Variants in LRP8 observed in about 807,000 individuals in gnomAD.
LRP8 encodes the protein LDL receptor related protein 8.
Under a neutral mutation model 111.6 loss-of-function variants are expected in LRP8, and 46 were observed. The ratio of observed to expected loss-of-function variants is 0.41; its 90% CI spans 0.33 to 0.53. The LOEUF (loss-of-function observed/expected upper bound fraction) is 0.53. Ranked by LOEUF, LRP8 falls within the 20% of genes least tolerant of loss-of-function variation. The pLI, the probability that LRP8 is intolerant of heterozygous loss-of-function variation, is 0.20. For missense variants in LRP8, 959 were observed against 1,297.4 expected (o/e 0.74, Z 4.01); for synonymous variants, 464 against 511.2 (o/e 0.91, Z 1.24).
intron 2 of LRP8, among the ~76,000 whole-genome samples, chr1:53,318,036 A>C (rs1654032677): frequency 6.6e-6 from 1 of 152,238 alleles, no homozygotes; most frequent in Admixed American, 6.5e-5. Flanking sequence ...CTCCAGGCAC[A>C]GGAGTCTGCT....
Position 53,244,561 on chromosome 1 carries a change from C to T in LRP8, c.*2457G>A, listed in dbSNP as rs1024820208. ...ATTTGTTTCTTGTAAAGGGTTGCTC[C>T]CATTGCTGCCTCTTTCAAACTGCAG... On this transcript the variant is annotated 3_prime_UTR_variant, in exon 19 of 19. Transcript: ENST00000306052. 2.0e-5 allele frequency: 3 copies of T among 152,184 alleles called. No individual in the cohort carries two copies. The highest frequency in any genetic ancestry group is 4.4e-5 in the Non-Finnish European group (3 of 68,028). The allele number at this position is 152,184 out of a possible 1,614,324, so 9.4% of individuals were successfully genotyped here. A position where few individuals can be genotyped will look rare whatever the true frequency, so the allele number is the denominator to read the frequency against.
intron 16 of LRP8, among the ~76,000 whole-genome samples, chr1:53,251,196 C>CT (rs1416198063): frequency 2.2e-4 from 34 of 151,970 alleles, no homozygotes; most frequent in Admixed American, 1.7e-3. Flanking sequence ...GGGACTGTGT[C>CT]TTTTTTTTGT....
At chr1:53,307,550 C>T (rs930034426) in intron 2 of LRP8, 2 of 152,308 alleles carry the variant, frequency 1.3e-5, no homozygotes, top group African/African-American at 4.8e-5. Flanking sequence ...AAGGCACACA[C>T]CACCCACTTG....
Position 53,324,344 on chromosome 1 carries a change from C to T in LRP8, c.244+2529G>A, listed in dbSNP as rs150798836. The stretch of plus-strand genomic sequence containing the variant: ...CCAGCACCTGGCCCCAACACAGCCA[C>T]GTAAGCCCCACTCCGTTTCTTCAGT... On this transcript the variant is annotated intron_variant, in intron 2 of 18. Transcript: ENST00000306052. Among the ~76,000 whole-genome samples, 614 of 152,294 alleles carry T rather than the reference C, an allele frequency of 4.0e-3. 2 individuals are homozygous for T. The highest frequency in any genetic ancestry group is 0.013 in the African/African-American group (549 of 41,556).
Position 53,277,023 on chromosome 1 carries a change from G to C in LRP8, c.552C>G (p.Phe184Leu), listed in dbSNP as rs1646944960. The C allele has an allele frequency of 2.0e-6, 3 of 1,521,020 alleles. No homozygotes were observed. The highest frequency in any genetic ancestry group is 2.5e-5 in the East Asian group (1 of 39,238). The allele number at this position is 1,521,020 out of a possible 1,614,324, so 94.2% of individuals were successfully genotyped here. A position where few individuals can be genotyped will look rare whatever the true frequency, so the allele number is the denominator to read the frequency against. ...CGNRSCLAAV[F>L]VCDGDDDCGD... ...CACAGTCGTCGTCGCCGTCGCACAC[G>C]AACACGGCGGCCAGGCACGAGCGGT... The change falls in exon 5 of 19, where the codon TTC becomes TTG. Residue 184 changes from phenylalanine (F) to leucine (L), a missense_variant. Phe to Leu is a conservative substitution (Grantham distance 22, BLOSUM62 0). Transcript: ENST00000306052.
At chr1:53,296,604 C>T (rs370295120) in intron 2 of LRP8, among the ~76,000 whole-genome samples, 13 of 152,360 alleles carry the variant, frequency 8.5e-5, no homozygotes, top group African/African-American at 2.4e-4. Flanking sequence ...CGTGCCAGCC[C>T]GCCCCTGGCC....
In LRP8 at chr1:53,293,064, G is replaced by T. The variant is rs1649075783; in HGVS notation, c.245-3375C>A. On this transcript the variant is annotated intron_variant, in intron 2 of 18. Transcript: ENST00000306052. The surrounding 1 kb of genome is among the most constrained non-coding windows in gnomAD (Gnocchi z 4.9). ...TGGCAAGGATGTGTGGTCAGACAGT[G>T]CCCAAAACAGCAGGGCAGGCTTGAA... Among the ~76,000 whole-genome samples, 1 of 152,228 alleles carries T rather than the reference G, an allele frequency of 6.6e-6. No homozygotes were observed. Among genetic ancestry groups the T allele is most frequent in the South Asian group, 2.1e-4 (1 of 4,832 alleles).
At chr1:53,296,530 A>G (rs112624204) in intron 2 of LRP8, among the ~76,000 whole-genome samples, 13 of 152,356 alleles carry the variant, frequency 8.5e-5, no homozygotes, top group African/African-American at 3.1e-4. Flanking sequence ...AGAGCTCGCC[A>G]TGCCCCAGCG....
intron 2 of LRP8, among the ~76,000 whole-genome samples, chr1:53,311,577 T>C (rs1653003460): frequency 6.6e-6 from 1 of 151,998 alleles, no homozygotes; most frequent in Non-Finnish European, 1.5e-5. Context: ...GGAGCGATAC[T>C]GCGTGGACCC....
intron 2 of LRP8, among the ~76,000 whole-genome samples, chr1:53,300,298 T>C (rs1172778666): frequency 2.6e-5 from 4 of 152,108 alleles, no homozygotes; most frequent in African/African-American, 9.7e-5. Context: ...GGCAAAACTC[T>C]CCCACCCCTG....
chr1:53,313,897 T>C (rs1410677536), intron 2 of LRP8, among the ~76,000 whole-genome samples: 3 of 152,020 alleles, frequency 2.0e-5, no homozygotes, highest in South Asian at 4.2e-4. Flanking sequence ...AGAGCGAAGA[T>C]GGGTTTGGAG....
intron 6 of LRP8, among the ~76,000 whole-genome samples, chr1:53,273,509 G>A (rs910957725): frequency 4.6e-5 from 7 of 152,242 alleles, no homozygotes; most frequent in African/African-American, 1.7e-4. Context: ...AAGCACGTGT[G>A]TACGTACTCC....
intron 9 of LRP8, among the ~76,000 whole-genome samples, chr1:53,265,622 T>A (rs968652645): frequency 6.6e-6 from 1 of 152,234 alleles, no homozygotes; most frequent in African/African-American, 2.4e-5. Flanking sequence ...TCTAGTTATG[T>A]TTTTGGGTGT....
At chr1:53,253,664 CT>C (rs952391337) in intron 16 of LRP8, among the ~76,000 whole-genome samples, 11 of 152,308 alleles carry the variant, frequency 7.2e-5, no homozygotes, top group Non-Finnish European at 1.5e-5. Context: ...GTAGATTTAT[CT>C]TTCTCCACTC....
intron 2 of LRP8, among the ~76,000 whole-genome samples, chr1:53,311,272 A>T (rs1652942630): frequency 6.6e-6 from 1 of 152,052 alleles, no homozygotes; most frequent in Non-Finnish European, 1.5e-5. Flanking sequence ...GGGTGTGAGG[A>T]GCGGGGAGGG....
chr1:53,268,633 T>C (rs1572489223), intron 8 of LRP8: 1 of 152,322 alleles, frequency 6.6e-6, no homozygotes, highest in East Asian at 1.9e-4. Context: ...TCCAGCTGCC[T>C]TCTCAATATC....
chr1:53,285,098 T>C (rs1447282143), intron 3 of LRP8, among the ~76,000 whole-genome samples: 1 of 152,216 alleles, frequency 6.6e-6, no homozygotes, highest in Non-Finnish European at 1.5e-5. Context: ...TATCACCCTA[T>C]GAAGTGGATA....
chr1:53,321,158 G>A (rs993076016), intron 2 of LRP8, among the ~76,000 whole-genome samples: 1 of 152,212 alleles, frequency 6.6e-6, no homozygotes, highest in African/African-American at 2.4e-5. Flanking sequence ...CAAGGCTGGC[G>A]GAGTGCACAA....
At chr1:53,253,500 C>T (rs1048353905) in intron 16 of LRP8, among the ~76,000 whole-genome samples, 8 of 152,146 alleles carry the variant, frequency 5.3e-5, no homozygotes, top group Non-Finnish European at 4.4e-5. Context: ...CGAAAATATA[C>T]TCTACCTCAC....
Sources: allele counts gnomAD v4.1 joint callset (sites outside exome capture counted in the v4.1 genomes callset), GRCh38; gene constraint gnomAD v4.1.1; non-coding constraint Gnocchi (gnomAD v3.1); transcripts MANE v1.5; gene names NCBI Gene and HGNC (gene_info 2026-07-23, HGNC 2026-07-21).